The following SMAP1 variants were observed in gnomAD, a reference collection of about 807,000 sequenced individuals.
The protein encoded by SMAP1 is small ArfGAP 1, also known as stromal membrane-associated protein 1.
SMAP1 carries 24 observed loss-of-function variants against 58.5 expected under a neutral mutation model. The observed-to-expected ratio is 0.41, with a 90% confidence interval of 0.30 to 0.58. The LOEUF (loss-of-function observed/expected upper bound fraction) is 0.58, where lower values mean the gene tolerates loss of function less well. Among genes scored for constraint, SMAP1 ranks in the 20% least tolerant of loss-of-function variants. The pLI is 0.29. For synonymous variants in SMAP1, 216 were observed against 196.6 expected (o/e 1.10, Z -0.82); for missense variants, 563 against 566.3 (o/e 0.99, Z 0.06).
intron 6 of SMAP1, among the ~76,000 whole-genome samples, chr6:70,810,713 T>C (rs1386764281): frequency 6.6e-6 from 1 of 152,182 alleles, no homozygotes. Context: ...TAGCTAGGAC[T>C]ACAGGAGCAT....
At chr6:70,847,212 GAC>G (rs946800025) in intron 7 of SMAP1, among the ~76,000 whole-genome samples, 5 of 152,114 alleles carry the variant, frequency 3.3e-5, no homozygotes, top group Non-Finnish European at 7.4e-5. Flanking sequence ...ATTTTTAGGT[GAC>G]AAGAGACTGG....
Position 70,773,410 on chromosome 6 carries a change from C to A in SMAP1, c.399C>A (p.Ala133=). ...AGAAGAAATACTACGATAAAAATGC[C>A]ATAGCTATTACAAATGTAAGTAAAA... ...YEKKKYYDKN[A]IAITNISSSD... The change falls in exon 4 of 11, where the codon GCC becomes GCA. Residue 133 remains alanine, a synonymous_variant. Coordinates refer to ENST00000370455, the MANE Select transcript of SMAP1 (RefSeq NM_001044305.3). The A allele has an allele frequency of 6.4e-7, 1 of 1,556,880 alleles. No individual in the cohort carries two copies. Among genetic ancestry groups the A allele is most frequent in the South Asian group, 1.2e-5 (1 of 85,936 alleles).
intron 2 of SMAP1, among the ~76,000 whole-genome samples, chr6:70,745,442 A>G (rs1169042263): frequency 2.0e-5 from 3 of 152,100 alleles, no homozygotes; most frequent in Non-Finnish European, 4.4e-5. Flanking sequence ...TCCTTTCCCC[A>G]TTTCTTGTTT....
At chr6:70,673,808 G>GCT (rs1384196923) in intron 1 of SMAP1, among the ~76,000 whole-genome samples, 42 of 152,310 alleles carry the variant, frequency 2.8e-4, no homozygotes, top group African/African-American at 9.4e-4. Context: ...AGCTGAGATG[G>GCT]AAATCATTGG....
chr6:70,711,717 G>T (rs1045021961), intron 1 of SMAP1, among the ~76,000 whole-genome samples: 1 of 151,740 alleles, frequency 6.6e-6, no homozygotes, highest in African/African-American at 2.4e-5. Flanking sequence ...TAGTAGAGAT[G>T]GGGTTTCACT....
intron 3 of SMAP1, among the ~76,000 whole-genome samples, chr6:70,771,388 C>G (rs758490879): frequency 6.6e-6 from 1 of 152,252 alleles, no homozygotes; most frequent in Non-Finnish European, 1.5e-5. Flanking sequence ...CCTCCTTGAG[C>G]TGTGGTGGGC....
chr6:70,852,571 G>C lies in SMAP1; in HGVS notation c.696G>C (p.Gly232=). The change falls in exon 8 of 11, where the codon GGG becomes GGC. Residue 232 remains glycine, a synonymous_variant. Transcript: ENST00000370455. ...CTGCTGTGGCACCAGTGACCAACGGGAACACAACGGTGCCACCCCTGAACG... is the reference window on the plus strand; with the variant it reads ...CTGCTGTGGCACCAGTGACCAACGGCAACACAACGGTGCCACCCCTGAACG... ...DGPAVAPVTN[G]NTTVPPLNDD... 1 of 1,606,900 alleles carries C rather than the reference G, an allele frequency of 6.2e-7. No homozygotes were observed.
At chr6:70,788,071 C>G (rs958549819) in intron 4 of SMAP1, among the ~76,000 whole-genome samples, 1 of 152,002 alleles carries the variant, frequency 6.6e-6, no homozygotes, top group Non-Finnish European at 1.5e-5. Context: ...CAATGATAGA[C>G]TGGATTAAGA....
intron 4 of SMAP1, among the ~76,000 whole-genome samples, chr6:70,783,571 G>C (rs993007463): frequency 2.1e-4 from 32 of 152,128 alleles, no homozygotes; most frequent in African/African-American, 7.5e-4. Flanking sequence ...TTAGATGAAT[G>C]TATAACTAGA....
rs201957518 is a variant in SMAP1 at position 70,813,116 on chromosome 6, C to T, written c.576+14379C>T. Among the ~76,000 whole-genome samples the T allele has an allele frequency of 2.0e-5, 3 of 152,106 alleles. No homozygotes were observed. In the East Asian group the frequency reaches 5.8e-4, roughly 29 times the overall value. On this transcript the variant is annotated intron_variant, in intron 6 of 10. Coordinates refer to ENST00000370455, the MANE Select transcript of SMAP1 (RefSeq NM_001044305.3). ...TTTGGGAATGTAGATGGTATGGTTTCGTATTTTTTATTTTTTCTCTCACCC... is the reference window on the plus strand; with the variant it reads ...TTTGGGAATGTAGATGGTATGGTTTTGTATTTTTTATTTTTTCTCTCACCC...
At chr6:70,713,160 T>G (rs1261865967) in intron 1 of SMAP1, among the ~76,000 whole-genome samples, 1 of 152,182 alleles carries the variant, frequency 6.6e-6, no homozygotes, top group Non-Finnish European at 1.5e-5. Context: ...TTTTTAGTCT[T>G]CTCTCTCTTT....
chr6:70,811,468 T>TA (rs1413470356), intron 6 of SMAP1, among the ~76,000 whole-genome samples: 5 of 152,254 alleles, frequency 3.3e-5, no homozygotes, highest in South Asian at 2.1e-4. Context: ...ACCTGCCTGT[T>TA]ACGCGATCCT....
chr6:70,793,839 ATTC>A (rs1364417769), intron 5 of SMAP1, among the ~76,000 whole-genome samples: 5 of 151,872 alleles, frequency 3.3e-5, no homozygotes, highest in African/African-American at 7.3e-5. Context: ...GGTTCAAGCA[ATTC>A]TTCTGCCTCA....
chr6:70,790,815 A>G (rs1355545801), intron 4 of SMAP1, among the ~76,000 whole-genome samples: 1 of 152,180 alleles, frequency 6.6e-6, no homozygotes, highest in Non-Finnish European at 1.5e-5. Flanking sequence ...GGCACTATTG[A>G]TATGATAGGG....
intron 3 of SMAP1, among the ~76,000 whole-genome samples, chr6:70,769,291 A>C (rs897216522): frequency 6.6e-6 from 1 of 152,134 alleles, no homozygotes; most frequent in African/African-American, 2.4e-5. Context: ...GCTGAGTTCA[A>C]TTCCTGGGTA....
chr6:70,817,229 C>T (rs575612117), intron 6 of SMAP1, among the ~76,000 whole-genome samples: 1 of 151,774 alleles, frequency 6.6e-6, no homozygotes, highest in Non-Finnish European at 1.5e-5. Context: ...AGTTCATTGT[C>T]CCTATGTTTT....
intron 4 of SMAP1, among the ~76,000 whole-genome samples, chr6:70,783,524 A>G (rs978451419): frequency 1.3e-5 from 2 of 152,226 alleles, no homozygotes; most frequent in East Asian, 1.9e-4. Context: ...AGGAAACTCA[A>G]ACAAATGGCA....
intron 1 of SMAP1, among the ~76,000 whole-genome samples, chr6:70,698,161 T>G (rs1767488539): frequency 6.6e-6 from 1 of 152,230 alleles, no homozygotes; most frequent in Non-Finnish European, 1.5e-5. Context: ...TTGAAGGATA[T>G]TTTCACTTGA....
At chr6:70,686,003 T>C (rs1328235039) in intron 1 of SMAP1, among the ~76,000 whole-genome samples, 1 of 152,134 alleles carries the variant, frequency 6.6e-6, no homozygotes, top group Non-Finnish European at 1.5e-5. Flanking sequence ...ACACCTGGGC[T>C]CAAATGATCT....
Sources: allele counts gnomAD v4.1 joint callset (sites outside exome capture counted in the v4.1 genomes callset), GRCh38; gene constraint gnomAD v4.1.1; transcripts MANE v1.5; gene names NCBI Gene and HGNC (gene_info 2026-07-23, HGNC 2026-07-21).